TTC7A: variants seen among roughly 807,000 people sequenced by gnomAD.
TTC7A encodes the protein tetratricopeptide repeat domain 7A, also known as tetratricopeptide repeat protein 7A.
A neutral mutation model predicts 103.7 loss-of-function variants in TTC7A; 110 were observed. The ratio of observed to expected loss-of-function variants is 1.06; its 90% confidence interval spans 0.91 to 1.24. TTC7A has a LOEUF of 1.24. TTC7A is among the 50% of genes most tolerant of loss of function. TTC7A has a pLI of 0.00. For missense variants in TTC7A, 1,340 were observed against 1,116.3 expected, an observed-to-expected ratio of 1.20 and a Z score of -2.86; for synonymous variants, 521 against 467.9, an observed-to-expected ratio of 1.11 and a Z score of -1.47.
chr2:47,055,492 C>T (rs1205145028), intron 18 of TTC7A, among the ~76,000 whole-genome samples: 2 of 152,168 alleles, frequency 1.3e-5, no homozygotes, highest in Non-Finnish European at 2.9e-5. Context: ...GTGGGAGAGG[C>T]ACAGAGTCCC....
At chr2:47,062,391 A>G (rs1683862628) in intron 19 of TTC7A, among the ~76,000 whole-genome samples, 1 of 152,248 alleles carries the variant, frequency 6.6e-6, no homozygotes, top group South Asian at 2.1e-4. Flanking sequence ...CCGTGCAGCC[A>G]CCATACACCC....
intron 4 of TTC7A, among the ~76,000 whole-genome samples, chr2:46,976,887 G>T (rs368391143): frequency 6.6e-6 from 1 of 152,278 alleles, no homozygotes; most frequent in African/African-American, 2.4e-5. Flanking sequence ...AGAAATGACC[G>T]ATGGGCTCAG....
intron 2 of TTC7A, among the ~76,000 whole-genome samples, chr2:46,927,423 C>T (rs1388517043): frequency 2.1e-5 from 3 of 141,946 alleles, no homozygotes; most frequent in African/African-American, 8.0e-5. Context: ...GTGGCGTGAT[C>T]TCGGCTCACT....
At chr2:47,069,484 T>G (rs957919987) in intron 19 of TTC7A, among the ~76,000 whole-genome samples, 1 of 152,146 alleles carries the variant, frequency 6.6e-6, no homozygotes, top group Admixed American at 6.5e-5. Context: ...CCTCTTCTTT[T>G]GAGGCCCAGG....
In TTC7A at chr2:47,021,865, G is replaced by A; in HGVS notation, c.1396G>A (p.Glu466Lys). The A allele has an allele frequency of 6.2e-7, 1 of 1,614,040 alleles. No homozygotes were observed. The highest frequency in any genetic ancestry group is 8.5e-7 in the Non-Finnish European group (1 of 1,179,898). Residue 466 changes from glutamate to lysine, a missense_variant, in exon 12 of 20, where the codon GAG becomes AAG. Transcript: ENST00000319190. ...KVCIGSLRWLEEAEHFAMMVI... is the reference protein window; with the variant it reads ...KVCIGSLRWLKEAEHFAMMVI... ...CCTCTGTCTCTCCTCTTTGCAGCTA[G>A]AGGAAGCAGAGCACTTTGCCATGAT... is the stretch of plus-strand genomic sequence containing the variant.
intron 5 of TTC7A, among the ~76,000 whole-genome samples, chr2:46,992,074 G>A (rs1675687926): frequency 6.6e-6 from 1 of 152,224 alleles, no homozygotes; most frequent in Non-Finnish European, 1.5e-5. Context: ...TTGGCTGCCA[G>A]CTTTGGCTCT....
intron 4 of TTC7A, 64 bp downstream of exon 4, chr2:46,975,167 C>T: frequency 1.9e-6 from 3 of 1,593,356 alleles, no homozygotes; most frequent in Non-Finnish European, 2.6e-6. Flanking sequence ...CTATGGATCC[C>T]ACTAAACCCA....
intron 3 of TTC7A, among the ~76,000 whole-genome samples, chr2:46,967,726 GTAC>G: frequency 6.6e-6 from 1 of 152,254 alleles, no homozygotes; most frequent in South Asian, 2.1e-4. Context: ...AAATGCTAGT[GTAC>G]TAATACCTCT....
chr2:47,066,165 A>G (rs929193688), intron 19 of TTC7A: 3 of 152,200 alleles, frequency 2.0e-5, no homozygotes, highest in African/African-American at 7.2e-5. Context: ...CAGTGTTGTT[A>G]TCTGCATTCC....
rs759243328 is a variant in TTC7A at position 47,029,214 on chromosome 2, C to G, written c.1642-10C>G. 3 of 1,613,394 alleles carry G rather than the reference C, an allele frequency of 1.9e-6. No individual in the cohort carries two copies. The South Asian group carries it at 3.3e-5, about 18-fold the overall frequency. ...CTGGGGAAGGCTAACCTGGCGGGTT[C>G]CTTCAACAGATCTCCAGTGCCATGG... On this transcript the variant is annotated splice_polypyrimidine_tract_variant and intron_variant, in intron 14 of 19. Transcript: ENST00000319190.
chr2:46,996,644 C>G (rs1198377534), intron 8 of TTC7A, among the ~76,000 whole-genome samples: 1 of 152,114 alleles, frequency 6.6e-6, no homozygotes, highest in Non-Finnish European at 1.5e-5. Flanking sequence ...GATGGGAGTG[C>G]CAGCTGGCCA....
At chr2:47,032,842 A>C (rs535047113) in intron 15 of TTC7A, among the ~76,000 whole-genome samples, 1 of 139,176 alleles carries the variant, frequency 7.2e-6, no homozygotes, top group East Asian at 2.1e-4. Flanking sequence ...AAGAGAATAA[A>C]TCTCTGTTGT....
At chr2:47,024,192 A>G (rs1679617906) in intron 13 of TTC7A, 95 bp from the exon 14 acceptor site, 1 of 1,109,674 alleles carries the variant, frequency 9.0e-7, no homozygotes, top group Non-Finnish European at 1.3e-6. Flanking sequence ...ATTGCCTCAT[A>G]GCGCCCAGCA....
chr2:46,941,068 G>A (rs1270716846), upstream of TTC7A: 3 of 149,698 alleles, frequency 2.0e-5, no homozygotes, highest in South Asian at 5.5e-4. The surrounding 1 kb of genome is among the most constrained non-coding windows in gnomAD (Gnocchi z 4.2). Context: ...GCGGGTACCC[G>A]GGCGGCCGCG....
intron 5 of TTC7A, among the ~76,000 whole-genome samples, chr2:46,986,160 C>T (rs185932571): frequency 3.3e-5 from 5 of 152,328 alleles, no homozygotes; most frequent in Non-Finnish European, 5.9e-5. Context: ...CATCTGCATT[C>T]GGGCATCTCT....
chr2:47,067,368 C>T (rs937815223), intron 19 of TTC7A, among the ~76,000 whole-genome samples: 3 of 152,208 alleles, frequency 2.0e-5, no homozygotes, highest in African/African-American at 7.2e-5. Context: ...GGCACGTGGC[C>T]TGAGCCTGAG....
chr2:46,960,842 G>C (rs1558511189), intron 3 of TTC7A, among the ~76,000 whole-genome samples: 1 of 152,112 alleles, frequency 6.6e-6, no homozygotes, highest in African/African-American at 2.4e-5. Context: ...GATTACAGTT[G>C]CCTCCAAGAT....
Position 46,950,634 on chromosome 2 carries a change from T to C in TTC7A, c.348+108T>C, listed in dbSNP as rs531076702. On this transcript the variant is annotated intron_variant, in intron 2 of 19. Coordinates refer to ENST00000319190, the MANE Select transcript of TTC7A (RefSeq NM_020458.4). The stretch of plus-strand genomic sequence containing the variant: ...GGTCACCTGAGCAACAAGTCTCTCT[T>C]ACAAGCTGCCCTTGCACTTACAGTA... 2.4e-6 allele frequency: 3 copies of C among 1,268,926 alleles called. No individual in the cohort carries two copies. In the East Asian group the frequency reaches 7.5e-5, roughly 32 times the overall value. The allele number at this position is 1,268,926 out of a possible 1,614,324, so 78.6% of individuals were successfully genotyped here.
intron 3 of TTC7A, among the ~76,000 whole-genome samples, chr2:46,971,287 G>A (rs1673333419): frequency 6.6e-6 from 1 of 152,222 alleles, no homozygotes; most frequent in African/African-American, 2.4e-5. Flanking sequence ...TATCGGGAAG[G>A]GCTTTGTAGA....
Sources: allele counts gnomAD v4.1 joint callset (sites outside exome capture counted in the v4.1 genomes callset), GRCh38; gene constraint gnomAD v4.1.1; non-coding constraint Gnocchi (gnomAD v3.1); transcripts MANE v1.5; gene names NCBI Gene and HGNC (gene_info 2026-07-23, HGNC 2026-07-21).